Variants in STRBP observed in about 807,000 individuals in gnomAD.
STRBP encodes spermatid perinuclear RNA-binding protein.
Under a neutral mutation model 80.1 loss-of-function variants are expected in STRBP, and 13 were observed. The observed-to-expected ratio is 0.16, with a 90% CI of 0.11 to 0.26. STRBP has a LOEUF of 0.26. STRBP is among the 10% of genes least tolerant of loss of function. STRBP has a pLI of 1.00. For missense variants in STRBP, 485 were observed against 815.2 expected, an observed-to-expected ratio of 0.59 and a Z score of 4.93; for synonymous variants, 284 against 291.2, an observed-to-expected ratio of 0.98 and a Z score of 0.25.
At chr9:123,179,639 C>T (rs1214765660) in intron 3 of STRBP, among the ~76,000 whole-genome samples, 1 of 151,922 alleles carries the variant, frequency 6.6e-6, no homozygotes. Flanking sequence ...AGCTGGGTGT[C>T]GTGGCATGCA....
intron 1 of STRBP, among the ~76,000 whole-genome samples, chr9:123,258,575 G>A (rs1344190162): frequency 2.0e-5 from 3 of 152,026 alleles, no homozygotes; most frequent in South Asian, 2.1e-4. Context: ...AGGCCAAGGC[G>A]GGCGGATCAC....
chr9:123,256,018 C>CTTTTTTTTTTT (rs11338372), intron 1 of STRBP, among the ~76,000 whole-genome samples: 16 of 71,484 alleles, frequency 2.2e-4, no homozygotes, highest in Non-Finnish European at 3.4e-4. Flanking sequence ...TCCTTTCTTT[C>CTTTTTTTTTTT]TTTTTTTTTT....
intron 2 of STRBP, among the ~76,000 whole-genome samples, chr9:123,231,749 C>T (rs1208476775): frequency 6.6e-6 from 1 of 152,128 alleles, no homozygotes; most frequent in East Asian, 1.9e-4. Flanking sequence ...CAGTTCATTC[C>T]ATGAAATGAT....
chr9:123,160,282 G>T, intron 8 of STRBP, 85 bp downstream of exon 8: 1 of 901,242 alleles, frequency 1.1e-6, no homozygotes, highest in Non-Finnish European at 1.6e-6. Flanking sequence ...TTAGGAGATA[G>T]CCATTTTAAA....
chr9:123,216,907 T>C (rs2039917565), intron 2 of STRBP, among the ~76,000 whole-genome samples: 1 of 152,192 alleles, frequency 6.6e-6, no homozygotes, highest in African/African-American at 2.4e-5. Context: ...TTAAGTCACT[T>C]GTCCAAAGGT....
rs980534428 is a variant in STRBP at position 123,174,107 on chromosome 9, G to A, written c.225-265C>T. On this transcript the variant is annotated intron_variant, in intron 4 of 18. Transcript: ENST00000348403. ...TTGCTTAAGAAAACTCAAAAATACT[G>A]TATTCTCTTAAATATTTTTTCAAAT... Among the ~76,000 whole-genome samples, 13 of 152,116 alleles carry A rather than the reference G, an allele frequency of 8.5e-5. No homozygotes were observed. The South Asian group carries it at 1.0e-3, about 12-fold the overall frequency.
At position 123,232,584 on chromosome 9, in the gene STRBP, C is replaced by T. The variant is rs2040428673; in HGVS notation, c.-165+4246G>A. Among the ~76,000 whole-genome samples the T allele has an allele frequency of 5.3e-5, 8 of 152,264 alleles. No individual in the cohort carries two copies. In the South Asian group the frequency reaches 1.7e-3, roughly 32 times the overall value. On this transcript the variant is annotated intron_variant, in intron 2 of 18. Coordinates refer to ENST00000348403, the MANE Select transcript of STRBP (RefSeq NM_018387.5). ...TGAACCAGGGTGGGGCCAGATTCTACCTCCCAGGAATTTGGAATGAAATTA... is the reference window on the plus strand; with the variant it reads ...TGAACCAGGGTGGGGCCAGATTCTATCTCCCAGGAATTTGGAATGAAATTA...
In STRBP at chr9:123,182,080, T is replaced by C. The variant is rs181213103; in HGVS notation, c.3+2052A>G. ...AAATACAAAAATTAGCCAGGTATGG[T>C]GGTACACCCCTACAGTCCCAGCTAC... On this transcript the variant is annotated intron_variant, in intron 3 of 18. Coordinates refer to ENST00000348403, the MANE Select transcript of STRBP (RefSeq NM_018387.5). 3.7e-4 allele frequency among the ~76,000 whole-genome samples: 55 copies of C among 150,056 alleles called. No homozygotes were observed. The East Asian group carries it at 0.01, about 28-fold the overall frequency.
chr9:123,220,310 T>C (rs537542103), intron 2 of STRBP, among the ~76,000 whole-genome samples: 3 of 152,372 alleles, frequency 2.0e-5, no homozygotes, highest in East Asian at 3.9e-4. Context: ...CTAGATGTTA[T>C]GGCCTTCTAT....
chr9:123,169,294 G>A (rs768198209), intron 6 of STRBP, among the ~76,000 whole-genome samples: 5 of 151,102 alleles, frequency 3.3e-5, no homozygotes, highest in Non-Finnish European at 4.4e-5. Flanking sequence ...TCAGCCTCCC[G>A]AGTAGCTGGG....
chr9:123,129,397 GA>G (rs1337200678), intron 17 of STRBP, among the ~76,000 whole-genome samples: 1 of 151,990 alleles, frequency 6.6e-6, no homozygotes, highest in Non-Finnish European at 1.5e-5. Context: ...ATTTATAAAT[GA>G]AAAAAATTTC....
At chr9:123,225,327 A>G (rs1032521273) in intron 2 of STRBP, among the ~76,000 whole-genome samples, 10 of 152,240 alleles carry the variant, frequency 6.6e-5, no homozygotes, top group African/African-American at 2.4e-4. Context: ...TACTTACAAA[A>G]GACAGATGGG....
rs932689653 is a variant in STRBP, at chr9:123,121,928, C to G, written c.*3669G>C. On this transcript the variant is annotated 3_prime_UTR_variant, in exon 19 of 19. Coordinates refer to ENST00000348403, the MANE Select transcript of STRBP (RefSeq NM_018387.5). ...CAGGTATGTGTGTGTAATTTACATA[C>G]GTGTTATATCCTAAGTTTCTACACA... 1 of 143,522 alleles carries G rather than the reference C, an allele frequency of 7.0e-6. No homozygotes were observed. The highest frequency in any genetic ancestry group is 7.5e-5 in the Admixed American group (1 of 13,334). 8.9% of individuals were successfully genotyped at this position (143,522 alleles called of 1,614,324 possible).
chr9:123,115,813 T>C lies in STRBP; in HGVS notation c.*84+116A>G. The C allele has an allele frequency of 2.8e-6, 1 of 352,268 alleles. No homozygotes were observed. Among genetic ancestry groups the C allele is most frequent in the Non-Finnish European group, 5.6e-6 (1 of 178,978 alleles). The allele number at this position is 352,268 out of a possible 1,614,324, so 21.8% of individuals were successfully genotyped here. ...CGCACCTCAGCTGCTCTCTCAAGGC[T>C]GCGTCTGTCATCGCGGGAGGTGTAT... On this transcript the variant is annotated intron_variant and NMD_transcript_variant, in intron 3 of 3. Coordinates refer to the STRBP transcript ENST00000471564. This position sits in a 1 kb window ranked among gnomAD's most constrained non-coding sequence, Gnocchi z 5.0.
chr9:123,173,647 C>A, intron 5 of STRBP, 30 bp downstream of exon 5: 1 of 1,563,050 alleles, frequency 6.4e-7, no homozygotes, highest in Non-Finnish European at 8.6e-7. Context: ...TTTACAAATT[C>A]GCCTAGAGGT....
intron 2 of STRBP, among the ~76,000 whole-genome samples, chr9:123,215,745 T>C (rs547801880): frequency 1.3e-5 from 2 of 152,202 alleles, no homozygotes; most frequent in South Asian, 2.1e-4. Context: ...GATCGTGCCA[T>C]TGCACTCCAG....
chr9:123,243,115 A>C (rs2132611308), intron 1 of STRBP, among the ~76,000 whole-genome samples: 1 of 152,302 alleles, frequency 6.6e-6, no homozygotes, highest in Non-Finnish European at 1.5e-5. Context: ...AGACGGACAG[A>C]CACAGAGATC....
At chr9:123,148,549 T>C (rs1408042127) in intron 11 of STRBP, among the ~76,000 whole-genome samples, 2 of 152,244 alleles carry the variant, frequency 1.3e-5, no homozygotes, top group Non-Finnish European at 2.9e-5. Context: ...GGATTTATTT[T>C]TACTTAATAT....
intron 5 of STRBP, 63 bp downstream of exon 5, chr9:123,173,614 A>G: frequency 2.6e-6 from 4 of 1,519,836 alleles, no homozygotes; most frequent in Non-Finnish European, 3.5e-6. Flanking sequence ...TAATTTTTTC[A>G]AAGTCACTAC....
Sources: gnomAD v4.1 joint callset for allele counts (sites outside exome capture counted in the v4.1 genomes callset) on GRCh38, gnomAD v4.1.1 for gene constraint, Gnocchi (gnomAD v3.1) non-coding constraint, MANE v1.5 for transcripts, NCBI Gene and HGNC (gene_info 2026-07-23, HGNC 2026-07-21) for gene names.